CDH10: variants seen among roughly 807,000 people sequenced by gnomAD.
CDH10 encodes cadherin 10, also known as cadherin-10.
Under a neutral mutation model 73.1 loss-of-function variants are expected in CDH10, and 30 were observed. The observed-to-expected ratio is 0.41, with a 90% CI of 0.31 to 0.56. The LOEUF is 0.56. CDH10 is among the 20% of genes least tolerant of loss of function. The probability of loss-of-function intolerance (pLI) is 0.27; values close to 1 mark genes in which losing one functional copy is unlikely to be tolerated. For missense variants in CDH10, 815 were observed against 973.7 expected (o/e 0.84, Z 2.17); for synonymous variants, 345 against 348.2 (o/e 0.99, Z 0.10).
At chr5:24,621,504 C>T (rs1747315907) in intron 1 of CDH10, among the ~76,000 whole-genome samples, 1 of 152,154 alleles carries the variant, frequency 6.6e-6, no homozygotes, top group Non-Finnish European at 1.5e-5. Context: ...AGGATATCAA[C>T]AATAACCACA....
intron 1 of CDH10, among the ~76,000 whole-genome samples, chr5:24,640,492 A>G (rs371493736): frequency 6.6e-6 from 1 of 151,718 alleles, no homozygotes; most frequent in Admixed American, 6.6e-5. Flanking sequence ...AATTTATATC[A>G]TCACATCATA....
Position 24,624,227 on chromosome 5 carries a change from T to C in CDH10, c.-124+20367A>G, listed in dbSNP as rs540702350. On this transcript the variant is annotated intron_variant, in intron 1 of 11. Transcript: ENST00000264463. ...TAGCACTTATTACAAATAAGCCATA[T>C]GAAATGTTTTTGTTATTCACATTGT... Among the ~76,000 whole-genome samples the C allele has an allele frequency of 2.6e-4, 39 of 152,290 alleles. No homozygotes were observed. The South Asian group carries it at 7.0e-3, about 27-fold the overall frequency.
At chr5:24,544,894 CATTT>C (rs1744285721) in intron 2 of CDH10, among the ~76,000 whole-genome samples, 1 of 152,094 alleles carries the variant, frequency 6.6e-6, no homozygotes, top group Non-Finnish European at 1.5e-5. Context: ...ACACTAAAGG[CATTT>C]ATTTATTTCA....
At chr5:24,507,999 A>T (rs1450731766) in intron 7 of CDH10, among the ~76,000 whole-genome samples, 1 of 152,220 alleles carries the variant, frequency 6.6e-6, no homozygotes, top group African/African-American at 2.4e-5. Flanking sequence ...ACCCTATAGA[A>T]TTTTTAACTG....
intron 2 of CDH10, among the ~76,000 whole-genome samples, chr5:24,562,832 T>C (rs1745009183): frequency 6.6e-6 from 1 of 152,130 alleles, no homozygotes; most frequent in African/African-American, 2.4e-5. Flanking sequence ...AAAAAAACTT[T>C]GAAACACTTA....
chr5:24,546,885 A>G (rs1178545191), intron 2 of CDH10, among the ~76,000 whole-genome samples: 1 of 152,160 alleles, frequency 6.6e-6, no homozygotes. Context: ...TCAAACAAAT[A>G]AATAAAAAAG....
At chr5:24,496,333 G>C (rs1280512396) in intron 9 of CDH10, among the ~76,000 whole-genome samples, 2 of 152,080 alleles carry the variant, frequency 1.3e-5, no homozygotes, top group Admixed American at 1.3e-4. Context: ...GAGTAGGCAT[G>C]AATGAGACAA....
At chr5:24,546,768 C>T (rs1307258163) in intron 2 of CDH10, among the ~76,000 whole-genome samples, 1 of 151,954 alleles carries the variant, frequency 6.6e-6, no homozygotes, top group African/African-American at 2.4e-5. Flanking sequence ...AAAATAAGAA[C>T]CAAGTTTTCT....
At chr5:24,584,186 G>C (rs1341490654) in intron 2 of CDH10, among the ~76,000 whole-genome samples, 1 of 151,906 alleles carries the variant, frequency 6.6e-6, no homozygotes, top group Non-Finnish European at 1.5e-5. Context: ...GCTACATCAA[G>C]TTTCAAAATA....
chr5:24,580,217 G>T (rs1745748162), intron 2 of CDH10, among the ~76,000 whole-genome samples: 3 of 151,600 alleles, frequency 2.0e-5, no homozygotes, highest in Admixed American at 1.3e-4. Flanking sequence ...ATGTCATGGG[G>T]GTTTGTTATA....
intron 2 of CDH10, among the ~76,000 whole-genome samples, chr5:24,582,190 G>A (rs1050121139): frequency 2.0e-5 from 3 of 152,076 alleles, no homozygotes; most frequent in Admixed American, 2.0e-4. Context: ...TAGGGGAAGA[G>A]GCCACTCCAT....
chr5:24,566,267 C>T (rs966398496), intron 2 of CDH10, among the ~76,000 whole-genome samples: 3 of 152,086 alleles, frequency 2.0e-5, no homozygotes, highest in Non-Finnish European at 2.9e-5. Context: ...AGGCTGATCT[C>T]GAACTCCTGA....
intron 1 of CDH10, among the ~76,000 whole-genome samples, chr5:24,594,343 C>T (rs1313778792): frequency 6.6e-6 from 1 of 151,900 alleles, no homozygotes; most frequent in South Asian, 2.1e-4. Context: ...ATGGTAACAG[C>T]CTACTGACTG....
chr5:24,643,906 G>A (rs1364376400), intron 1 of CDH10, among the ~76,000 whole-genome samples: 1 of 152,108 alleles, frequency 6.6e-6, no homozygotes, highest in African/African-American at 2.4e-5. Flanking sequence ...TATTGCAGCA[G>A]AAACAATAAA....
chr5:24,612,215 T>C (rs1746973518), intron 1 of CDH10: 1 of 152,192 alleles, frequency 6.6e-6, no homozygotes, highest in South Asian at 2.1e-4. Context: ...TTAGATATTC[T>C]ACATTTTAGC....
At chr5:24,603,844 A>G (rs1448188422) in intron 1 of CDH10, among the ~76,000 whole-genome samples, 1 of 152,188 alleles carries the variant, frequency 6.6e-6, no homozygotes, top group Non-Finnish European at 1.5e-5. Context: ...CAAAGAAAAA[A>G]GAAATGGAAA....
chr5:24,590,286 T>C (rs974010280), intron 2 of CDH10, among the ~76,000 whole-genome samples: 1 of 149,906 alleles, frequency 6.7e-6, no homozygotes, highest in South Asian at 2.1e-4. Flanking sequence ...CTCCTCTTAA[T>C]TTTTTTTTTC....
chr5:24,580,608 A>G (rs142946519), intron 2 of CDH10, among the ~76,000 whole-genome samples: 28 of 152,318 alleles, frequency 1.8e-4, no homozygotes, highest in African/African-American at 6.7e-4. Context: ...TAAAAATTCT[A>G]CAGTATCTTC....
At chr5:24,583,595 T>A (rs1218563243) in intron 2 of CDH10, among the ~76,000 whole-genome samples, 2 of 152,204 alleles carry the variant, frequency 1.3e-5, no homozygotes, top group Admixed American at 6.5e-5. Flanking sequence ...CTTAAAAATA[T>A]AACTGTTTTG....
Sources: allele counts gnomAD v4.1 joint callset (sites outside exome capture counted in the v4.1 genomes callset), GRCh38; gene constraint gnomAD v4.1.1; transcripts MANE v1.5; gene names NCBI Gene and HGNC (gene_info 2026-07-23, HGNC 2026-07-21).